The following KHDRBS2 variants were observed in gnomAD, a reference collection of about 807,000 sequenced individuals.
KHDRBS2 encodes the protein KH RNA binding domain containing, signal transduction associated 2.
Under a neutral mutation model 44.3 loss-of-function variants are expected in KHDRBS2, and 26 were observed. The ratio of observed to expected loss-of-function variants is 0.59; its 90% CI spans 0.43 to 0.81. KHDRBS2 has a LOEUF of 0.81. Among genes scored for constraint, KHDRBS2 ranks in the 40% least tolerant of loss-of-function variants. The pLI is 0.00. For synonymous variants in KHDRBS2, 194 were observed against 151.1 expected (o/e 1.28, Z -2.08); for missense variants, 476 against 433.1 (o/e 1.10, Z -0.88).
intron 6 of KHDRBS2, among the ~76,000 whole-genome samples, chr6:61,858,455 C>G (rs1251636271): frequency 1.3e-5 from 2 of 151,662 alleles, no homozygotes; most frequent in Non-Finnish European, 2.9e-5. Context: ...AACATCTCCC[C>G]CATAATTTTA....
intron 1 of KHDRBS2, among the ~76,000 whole-genome samples, chr6:62,217,873 A>G (rs1830280832): frequency 6.6e-6 from 1 of 151,870 alleles, no homozygotes; most frequent in South Asian, 2.1e-4. Context: ...ACTAGGGCAG[A>G]GATTCTGTTT....
At position 62,172,845 on chromosome 6, in the gene KHDRBS2, A is replaced by C. The variant is rs544411018; in HGVS notation, c.219+4340T>G. ...CCTGCTCCTGAATGACTTTTGAGTG[A>C]ACAATGAAATTAAGGCAGAAATCAA... On this transcript the variant is annotated intron_variant, in intron 2 of 8. Transcript: ENST00000281156. 5.3e-5 allele frequency among the ~76,000 whole-genome samples: 8 copies of C among 152,244 alleles called. No homozygotes were observed. In the South Asian group the frequency reaches 6.2e-4, roughly 12 times the overall value.
At chr6:61,959,078 T>C (rs566466602) in intron 4 of KHDRBS2, among the ~76,000 whole-genome samples, 109 of 152,332 alleles carry the variant, frequency 7.2e-4, no homozygotes, top group Admixed American at 4.4e-3. Context: ...GTTTCTTCTA[T>C]TGTCCACAAT....
At chr6:62,077,195 G>C (rs908036939) in intron 2 of KHDRBS2, among the ~76,000 whole-genome samples, 1 of 151,958 alleles carries the variant, frequency 6.6e-6, no homozygotes, top group African/African-American at 2.4e-5. Context: ...GAAGAGCAAG[G>C]ACCATATTAA....
chr6:62,055,486 T>G (rs2127318853), intron 2 of KHDRBS2, among the ~76,000 whole-genome samples: 1 of 152,022 alleles, frequency 6.6e-6, no homozygotes, highest in Middle Eastern at 3.4e-3. Flanking sequence ...CCTGTGGGAG[T>G]GTAAATGAAT....
At chr6:61,858,169 C>A (rs1796410172) in intron 6 of KHDRBS2, among the ~76,000 whole-genome samples, 1 of 151,586 alleles carries the variant, frequency 6.6e-6, no homozygotes, top group Admixed American at 6.6e-5. Context: ...AGCATTTATT[C>A]CTGTTACCCA....
chr6:62,189,125 A>G (rs1165831010), intron 1 of KHDRBS2, among the ~76,000 whole-genome samples: 3 of 151,882 alleles, frequency 2.0e-5, no homozygotes, highest in Non-Finnish European at 4.4e-5. Flanking sequence ...TCCAAGAAAC[A>G]AAAAACAAAA....
At chr6:62,080,463 G>C (rs1399785850) in intron 2 of KHDRBS2, among the ~76,000 whole-genome samples, 1 of 152,096 alleles carries the variant, frequency 6.6e-6, no homozygotes, top group Non-Finnish European at 1.5e-5. Context: ...GATTGATTTA[G>C]AGATAACATA....
chr6:62,023,843 T>A (rs1782787002), intron 3 of KHDRBS2, among the ~76,000 whole-genome samples: 1 of 151,080 alleles, frequency 6.6e-6, no homozygotes, highest in Non-Finnish European at 1.5e-5. Context: ...CGCAAATAAT[T>A]TACTATGTAA....
Position 62,286,066 on chromosome 6 carries a change from C to A in KHDRBS2, c.-118G>T, listed in dbSNP as rs1309998243. On this transcript the variant is annotated 5_prime_UTR_variant, in exon 1 of 9. Coordinates refer to ENST00000281156, the MANE Select transcript of KHDRBS2 (RefSeq NM_152688.4). ...GCTCCTCCTCCGCGCGGCGAGGGAT[C>A]TCTGTGCGTCCTCACTGGCCCATGC... 2 of 696,958 alleles carry A rather than the reference C, an allele frequency of 2.9e-6. No homozygotes were observed. Among genetic ancestry groups the A allele is most frequent in the Non-Finnish European group, 5.1e-6 (2 of 389,928 alleles). 43.2% of individuals were successfully genotyped at this position (696,958 alleles called of 1,614,324 possible). A position where few individuals can be genotyped will look rare whatever the true frequency, so the allele number is the denominator to read the frequency against.
intron 3 of KHDRBS2, among the ~76,000 whole-genome samples, chr6:61,999,245 T>C (rs1777780105): frequency 6.6e-6 from 1 of 152,150 alleles, no homozygotes; most frequent in Non-Finnish European, 1.5e-5. Flanking sequence ...CCTCGAGTGA[T>C]TTTATTTAAA....
chr6:61,897,508 C>T (rs530446146), intron 5 of KHDRBS2, among the ~76,000 whole-genome samples: 1 of 152,260 alleles, frequency 6.6e-6, no homozygotes, highest in Non-Finnish European at 1.5e-5. Flanking sequence ...ATCAATTTCT[C>T]ACCAGGCTAG....
chr6:61,839,304 C>G (rs1344387945), intron 6 of KHDRBS2, among the ~76,000 whole-genome samples: 2 of 151,968 alleles, frequency 1.3e-5, no homozygotes, highest in African/African-American at 2.4e-5. Flanking sequence ...TCTCCCCACC[C>G]CTCTCCATGA....
At chr6:61,551,907 A>G in the KHDRBS2 span, among the ~76,000 whole-genome samples, 2 of 152,074 alleles carry the variant, frequency 1.3e-5, no homozygotes, top group African/African-American at 2.4e-5. Context: ...AAAGAATGTC[A>G]TTATATATCC....
At chr6:61,552,618 A>AATG in the KHDRBS2 span, among the ~76,000 whole-genome samples, 4 of 152,098 alleles carry the variant, frequency 2.6e-5, no homozygotes, top group African/African-American at 9.7e-5. Flanking sequence ...CATTCAGTAT[A>AATG]ATGTTGGCTG....
chr6:61,658,682 T>A, the KHDRBS2 span, among the ~76,000 whole-genome samples: 1 of 151,922 alleles, frequency 6.6e-6, no homozygotes, highest in African/African-American at 2.4e-5. Context: ...CCATGCATGA[T>A]GCTGATATGC....
intron 3 of KHDRBS2, among the ~76,000 whole-genome samples, chr6:62,008,090 T>C (rs1779596226): frequency 6.6e-6 from 1 of 152,182 alleles, no homozygotes; most frequent in Admixed American, 6.5e-5. Context: ...AACATATTCC[T>C]GATTAAAACA....
At chr6:61,930,688 C>A (rs1278612945) in intron 4 of KHDRBS2, among the ~76,000 whole-genome samples, 3 of 150,736 alleles carry the variant, frequency 2.0e-5, no homozygotes, top group African/African-American at 7.3e-5. Context: ...CAGAGTGAGA[C>A]CCCGTCTCAA....
At chr6:62,026,407 T>C (rs1472981438) in intron 3 of KHDRBS2, among the ~76,000 whole-genome samples, 1 of 142,582 alleles carries the variant, frequency 7.0e-6, no homozygotes, top group Non-Finnish European at 1.5e-5. Flanking sequence ...TAATTAATTA[T>C]TTTATTTTAT....
Sources: gnomAD v4.1 joint callset for allele counts (sites outside exome capture counted in the v4.1 genomes callset) on GRCh38, gnomAD v4.1.1 for gene constraint, MANE v1.5 for transcripts, NCBI Gene and HGNC (gene_info 2026-07-23, HGNC 2026-07-21) for gene names.